PGK1: variants seen among roughly 807,000 people sequenced by gnomAD.
PGK1 encodes PRP 2.
PGK1 carries 3 observed loss-of-function variants against 26.9 expected under a neutral mutation model. The ratio of observed to expected loss-of-function variants is 0.11; its 90% confidence interval spans 0.05 to 0.29. PGK1 has a LOEUF of 0.29. PGK1 is among the 10% of genes least tolerant of loss of function. PGK1 has a pLI of 1.00. For missense variants in PGK1, 270 were observed against 314.7 expected, an observed-to-expected ratio of 0.86 and a Z score of 1.07; for synonymous variants, 125 against 115.3, an observed-to-expected ratio of 1.08 and a Z score of -0.54.
At chrX:78,108,600 G>C (rs1464662988) in intron 1 of PGK1, among the ~76,000 whole-genome samples, 1 of 111,961 alleles carries the variant, frequency 8.9e-6, no homozygotes, top group East Asian at 2.8e-4. Context: ...ATAGGAAATT[G>C]GTGGTCTTCT....
chrX:78,120,556 A>G (rs1260161269), intron 6 of PGK1, among the ~76,000 whole-genome samples: 1 of 109,368 alleles, frequency 9.1e-6, no homozygotes, highest in African/African-American at 3.3e-5. Context: ...GTGCAGTGGC[A>G]TGATCACAGC....
At chrX:78,123,612 T>TG (rs1211576739) in intron 8 of PGK1, among the ~76,000 whole-genome samples, 116 of 102,128 alleles carry the variant, frequency 1.1e-3, no homozygotes, top group East Asian at 5.0e-3. Flanking sequence ...TTGTTGTTGT[T>TG]TTTTTTTTTT....
At chrX:78,114,880 A>G (rs1211807915) in intron 4 of PGK1, among the ~76,000 whole-genome samples, 1 of 112,416 alleles carries the variant, frequency 8.9e-6, no homozygotes, top group African/African-American at 3.2e-5. Flanking sequence ...GGCTCTTTGC[A>G]GATGATTTTG....
rs782606876 is a variant in PGK1 at position 78,113,780 on chromosome X, G to A, written c.153G>A (p.Leu51=). Residue 51 remains leucine (L), a synonymous_variant, in exon 3 of 11, where the codon TTG becomes TTA. Coordinates refer to ENST00000373316, the MANE Select transcript of PGK1 (RefSeq NM_000291.4). ...CTGTCCCAAGCATCAAATTCTGCTTGGACAATGGAGCCAAGTCGGTAGTCC... is the reference window on the plus strand; with the variant it reads ...CTGTCCCAAGCATCAAATTCTGCTTAGACAATGGAGCCAAGTCGGTAGTCC... ...KAAVPSIKFC[L]DNGAKSVVLM... 2.5e-6 allele frequency: 3 copies of A among 1,208,963 alleles called. No individual in the cohort carries two copies. The highest frequency in any genetic ancestry group is 1.7e-5 in the African/African-American group (1 of 57,651).
In PGK1 at chrX:78,128,809, A is replaced by G. The variant is rs1557249009; in HGVS notation, c.*2979A>G. 9.0e-6 allele frequency: 1 copy of G among 111,583 alleles called. No individual in the cohort carries two copies. The highest frequency in any genetic ancestry group is 3.3e-5 in the African/African-American group (1 of 30,629). The allele number at this position is 111,583 out of a possible 1,213,427, so 9.2% of individuals were successfully genotyped here. A position where few individuals can be genotyped will look rare whatever the true frequency, so the allele number is the denominator to read the frequency against. On this transcript the variant is annotated 3_prime_UTR_variant, in exon 11 of 11. Coordinates refer to ENST00000373316, the MANE Select transcript of PGK1 (RefSeq NM_000291.4). ...TTTACACATGATCAAAAAGGAGTATACAATGAAGACACCTTCCTCAGTCCC... is the reference window on the plus strand; with the variant it reads ...TTTACACATGATCAAAAAGGAGTATGCAATGAAGACACCTTCCTCAGTCCC...
In PGK1 at chrX:78,122,867, A is replaced by G. The variant is rs143031509; in HGVS notation, c.674A>G (p.Asn225Ser). The change falls in exon 7 of 11, where the codon AAT becomes AGT. Residue 225 changes from asparagine to serine, a missense_variant. Around this residue, in one of 3 missense-constraint regions of PGK1, gnomAD observed 17 missense variants for 45.5 expected, o/e 0.37. Coordinates refer to ENST00000373316, the MANE Select transcript of PGK1 (RefSeq NM_000291.4). ...AKVADKIQLI[N>S]NMLDKVNEMI... ...GTTGCAGACAAGATCCAGCTCATCAATAATATGCTGGACAAAGTCAATGAG... is the reference window on the plus strand; with the variant it reads ...GTTGCAGACAAGATCCAGCTCATCAGTAATATGCTGGACAAAGTCAATGAG... 131 of 1,197,114 alleles carry G rather than the reference A, an allele frequency of 1.1e-4. No individual in the cohort carries two copies. The highest frequency in any genetic ancestry group is 5.9e-5 in the East Asian group (2 of 33,754).
chrX:78,119,951 C>G (rs1418256800), intron 6 of PGK1, among the ~76,000 whole-genome samples: 1 of 111,659 alleles, frequency 9.0e-6, no homozygotes, highest in Non-Finnish European at 1.9e-5. Flanking sequence ...GTTGTTGTGT[C>G]TTGTTCTTGG....
rs947997608 is a variant in PGK1 at position 78,109,526 on chromosome X, G to C, written c.66-341G>C. Among the ~76,000 whole-genome samples the C allele has an allele frequency of 8.0e-4, 88 of 110,182 alleles. 1 individual carries two copies. The highest frequency in any genetic ancestry group is 2.9e-3 in the African/African-American group (88 of 30,314). ...TTCAGGGCTAGTTCCTGTGATTTAA[G>C]TTAGGTTTTTTTTTTAAAATTCTTT... On this transcript the variant is annotated intron_variant, in intron 1 of 10. Transcript: ENST00000373316.
Position 78,109,792 on chromosome X carries a change from G to A in PGK1, c.66-75G>A, listed in dbSNP as rs917947234. ...ATTTGAATTTCTGACTTATTTAACT[G>A]GTTCATTAAAAATGCATCTCCTAGT... On this transcript the variant is annotated intron_variant, in intron 1 of 10. Transcript: ENST00000373316. 1.6e-5 allele frequency: 11 copies of A among 681,379 alleles called. No individual in the cohort carries two copies. In the African/African-American group the frequency reaches 2.1e-4, roughly 13 times the overall value. 56.2% of individuals were successfully genotyped at this position (681,379 alleles called of 1,213,427 possible). A position where few individuals can be genotyped will look rare whatever the true frequency, so the allele number is the denominator to read the frequency against.
chrX:78,128,668 T>TTATA lies in PGK1; in HGVS notation c.*2838_*2839insTATA, dbSNP rs1445886670. The TTATA allele has an allele frequency of 8.9e-6, 1 of 112,571 alleles. No individual in the cohort carries two copies. Among genetic ancestry groups the TTATA allele is most frequent in the African/African-American group, 3.2e-5 (1 of 30,988 alleles). 9.3% of individuals were successfully genotyped at this position (112,571 alleles called of 1,213,427 possible). ...AATTCACCTTTAACCCTAGACTATATATGTGTGTTTATATGCAGAAAAAAA... is the reference window on the plus strand; with the variant it reads ...AATTCACCTTTAACCCTAGACTATATTATAATGTGTGTTTATATGCAGAAAAAAA... On this transcript the variant is annotated 3_prime_UTR_variant, in exon 11 of 11. Coordinates refer to ENST00000373316, the MANE Select transcript of PGK1 (RefSeq NM_000291.4).
intron 5 of PGK1, 61 bp from the exon 6 acceptor site, chrX:78,117,990 T>C: frequency 9.0e-7 from 1 of 1,110,289 alleles, no homozygotes; most frequent in South Asian, 1.8e-5. Context: ...GGAGCTGGCC[T>C]CTAGGACTAG....
chrX:78,118,812 A>G (rs1292284813), intron 6 of PGK1, among the ~76,000 whole-genome samples: 1 of 110,947 alleles, frequency 9.0e-6, no homozygotes, highest in African/African-American at 3.3e-5. Context: ...GTCAAAGGAC[A>G]CAAGATCTGG....
At chrX:78,104,989 A>G (rs1372413425) in intron 1 of PGK1, among the ~76,000 whole-genome samples, 1 of 112,423 alleles carries the variant, frequency 8.9e-6, no homozygotes, top group Non-Finnish European at 1.9e-5. Context: ...AGCTTACGTA[A>G]CAGGCGTCTG....
intron 1 of PGK1, among the ~76,000 whole-genome samples, chrX:78,104,842 T>C (rs1189577257): frequency 9.0e-6 from 1 of 111,319 alleles, no homozygotes; most frequent in African/African-American, 3.3e-5. Context: ...ACGGCCCACA[T>C]CTCACAGGTT....
At chrX:78,109,256 C>A (rs1281278609) in intron 1 of PGK1, among the ~76,000 whole-genome samples, 1 of 111,500 alleles carries the variant, frequency 9.0e-6, no homozygotes, top group Non-Finnish European at 1.9e-5. Context: ...GCTTGAAGGA[C>A]CCCTAGTCTT....
At chrX:78,112,570 G>C (rs2078306611) in intron 2 of PGK1, among the ~76,000 whole-genome samples, 1 of 111,996 alleles carries the variant, frequency 8.9e-6, no homozygotes, top group Admixed American at 9.5e-5. Flanking sequence ...AGTGACTTAG[G>C]ATCTATTAAT....
chrX:78,108,136 C>T (rs1157421336), intron 1 of PGK1, among the ~76,000 whole-genome samples: 1 of 111,202 alleles, frequency 9.0e-6, no homozygotes, highest in Non-Finnish European at 1.9e-5. Context: ...AGAGTATCAA[C>T]CAAGTCTAAT....
At chrX:78,121,463 A>T (rs935895098) in intron 6 of PGK1, among the ~76,000 whole-genome samples, 1 of 111,724 alleles carries the variant, frequency 9.0e-6, no homozygotes. Flanking sequence ...GTGGTAACCA[A>T]TCTTTACAAC....
intron 1 of PGK1, among the ~76,000 whole-genome samples, chrX:78,108,088 A>AGGAGAT (rs1307075497): frequency 2.7e-5 from 3 of 111,897 alleles, no homozygotes; most frequent in African/African-American, 6.5e-5. Context: ...TTGTGAGTGT[A>AGGAGAT]GGAGATAAGG....
Sources: gnomAD v4.1 joint callset for allele counts (sites outside exome capture counted in the v4.1 genomes callset) on GRCh38, gnomAD v4.1.1 for gene constraint, gnomAD v4.1.1 regional missense constraint, MANE v1.5 for transcripts, NCBI Gene and HGNC (gene_info 2026-07-23, HGNC 2026-07-21) for gene names.